The following CASP10 variants were observed in gnomAD, a reference collection of about 807,000 sequenced individuals.
The protein encoded by CASP10 is caspase 10.
A neutral mutation model predicts 48.5 loss-of-function variants in CASP10; 41 were observed. The ratio of observed to expected loss-of-function variants is 0.85; its 90% CI spans 0.66 to 1.10. The LOEUF is 1.10. Among genes scored for constraint, CASP10 ranks in the 50% least tolerant of loss-of-function variants. The pLI is 0.00. For synonymous variants in CASP10, 232 were observed against 238.4 expected (o/e 0.97, Z 0.25); for missense variants, 614 against 614.5 (o/e 1.00, Z 0.01).
At chr2:201,191,207 C>A (rs1203702316) in intron 3 of CASP10, among the ~76,000 whole-genome samples, 1 of 152,050 alleles carries the variant, frequency 6.6e-6, no homozygotes, top group African/African-American at 2.4e-5. Context: ...TTCCCCCCTA[C>A]TAAAATAGCT....
At chr2:201,187,316 C>T (rs978089733) in intron 2 of CASP10, among the ~76,000 whole-genome samples, 1 of 152,080 alleles carries the variant, frequency 6.6e-6, no homozygotes, top group East Asian at 1.9e-4. Context: ...AATATACAAC[C>T]GACTGTACCT....
At chr2:201,203,613 C>T in intron 5 of CASP10, 117 bp from the exon 6 acceptor site, 2 of 960,678 alleles carry the variant, frequency 2.1e-6, no homozygotes, top group East Asian at 2.4e-5. Flanking sequence ...GGCCCAATGA[C>T]CTTTTCTGTG....
At chr2:201,222,248 GCT>G (rs1945735024), downstream of CASP10, among the ~76,000 whole-genome samples, 1 of 131,024 alleles carries the variant, frequency 7.6e-6, no homozygotes, top group Non-Finnish European at 1.6e-5. Context: ...ACAAAGTCTC[GCT>G]CTCTCACCCA....
chr2:201,192,839 C>A, intron 3 of CASP10, 145 bp from the exon 4 acceptor site: 1 of 767,050 alleles, frequency 1.3e-6, no homozygotes, highest in Non-Finnish European at 2.2e-6. Context: ...GCCTCTTCCC[C>A]TACATTCCTG....
chr2:201,203,393 G>A (rs537511785), intron 5 of CASP10, among the ~76,000 whole-genome samples: 57 of 150,300 alleles, frequency 3.8e-4, no homozygotes, highest in African/African-American at 1.2e-3. Flanking sequence ...TGCAACCTCT[G>A]CCTCCCAGGT....
intron 2 of CASP10, among the ~76,000 whole-genome samples, chr2:201,187,017 A>C (rs1054904812): frequency 6.6e-6 from 1 of 152,210 alleles, no homozygotes; most frequent in Non-Finnish European, 1.5e-5. Flanking sequence ...GTTCACTGAC[A>C]TAGTGTCCAC....
intron 7 of CASP10, among the ~76,000 whole-genome samples, chr2:201,207,686 G>A (rs916000258): frequency 6.6e-6 from 1 of 152,058 alleles, no homozygotes; most frequent in African/African-American, 2.4e-5. Flanking sequence ...GAACCCAGGA[G>A]GTGGAGGTTG....
chr2:201,198,641 C>T (rs1191641919), intron 5 of CASP10, among the ~76,000 whole-genome samples: 1 of 147,814 alleles, frequency 6.8e-6, no homozygotes, highest in Non-Finnish European at 1.5e-5. Context: ...CCCGTGTTCA[C>T]ACCATTCTCC....
At position 201,192,394 on chromosome 2, in the gene CASP10, AAATAATAATAAT is replaced by A. The variant is rs35491925; in HGVS notation, c.442-570_442-559del. Among the ~76,000 whole-genome samples, 5 of 148,986 alleles carry A rather than the reference AAATAATAATAAT, an allele frequency of 3.4e-5. 1 individual carries two copies. Among genetic ancestry groups the A allele is most frequent in the African/African-American group, 7.4e-5 (3 of 40,808 alleles). ...AGACAGAGTGAGAGACTCCATCTCAAAATAATAATAATAATAATAATAATAATAATAGCTGAA... is the reference window on the plus strand; with the variant it reads ...AGACAGAGTGAGAGACTCCATCTCAAAATAATAATAATAATAATAGCTGAA... On this transcript the variant is annotated intron_variant, in intron 3 of 9. Coordinates refer to ENST00000286186, the MANE Select transcript of CASP10 (RefSeq NM_032977.4).
At chr2:201,200,592 C>T (rs1944982804) in intron 5 of CASP10, 3 of 1,558,596 alleles carry the variant, frequency 1.9e-6, no homozygotes, top group Non-Finnish European at 8.6e-7. Flanking sequence ...GAGGCCTGCT[C>T]TTCGGCTCTG....
At chr2:201,199,165 G>A (rs866139104) in intron 5 of CASP10, among the ~76,000 whole-genome samples, 20 of 152,068 alleles carry the variant, frequency 1.3e-4, no homozygotes, top group African/African-American at 3.6e-4. Flanking sequence ...AAATATTTTC[G>A]TGTGTATTTC....
At chr2:201,184,819 C>A (rs1196411167) in intron 1 of CASP10, among the ~76,000 whole-genome samples, 1 of 151,932 alleles carries the variant, frequency 6.6e-6, no homozygotes, top group Non-Finnish European at 1.5e-5. Flanking sequence ...AACATTGACT[C>A]ATGTAATTTG....
chr2:201,228,712 T>C (rs1051749902), intron 9 of CASP10, among the ~76,000 whole-genome samples: 1 of 152,154 alleles, frequency 6.6e-6, no homozygotes, highest in Non-Finnish European at 1.5e-5. Context: ...TTATCAACAG[T>C]TTTAGGCCTG....
At position 201,217,958 on chromosome 2, in the gene CASP10, G is replaced by C; in HGVS notation, c.*217G>C. ...GGAGATAGTCTCATTCTGTCACCCA[G>C]ACTGGAGTGCAGGGGGGCAATCACG... On this transcript the variant is annotated 3_prime_UTR_variant, in exon 10 of 10. Transcript: ENST00000286186. The C allele has an allele frequency of 7.9e-7, 1 of 1,271,198 alleles. No individual in the cohort carries two copies. The allele number at this position is 1,271,198 out of a possible 1,614,324, so 78.7% of individuals were successfully genotyped here.
downstream of CASP10, among the ~76,000 whole-genome samples, chr2:201,224,991 T>TC (rs1378089297): frequency 6.6e-6 from 1 of 152,130 alleles, no homozygotes; most frequent in African/African-American, 2.4e-5. Context: ...ATCCTCCATG[T>TC]CCCCCCAATC....
At position 201,217,766 on chromosome 2, in the gene CASP10, A is replaced by T. The variant is rs745815199; in HGVS notation, c.*25A>T. 2 of 1,613,626 alleles carry T rather than the reference A, an allele frequency of 1.2e-6. No individual in the cohort carries two copies. Among genetic ancestry groups the T allele is most frequent in the South Asian group, 2.2e-5 (2 of 91,076 alleles). The stretch of plus-strand genomic sequence containing the variant: ...GCAGAGAGTTTTTGTTGGTTCTTAG[A>T]CCTCAAACGAATCATTGGCTATAAC... On this transcript the variant is annotated 3_prime_UTR_variant, in exon 10 of 10. Coordinates refer to ENST00000286186, the MANE Select transcript of CASP10 (RefSeq NM_032977.4).
rs558017414 is a variant in CASP10 at position 201,187,763 on chromosome 2, C to T, written c.405C>T (p.Ile135=). ...GIDSENLKDM[I]FLLKDSLPKT... is the part of the protein sequence containing the mutation. ...ACTCAGAGAACTTAAAGGACATGAT[C>T]TTCCTTCTGAAAGACTCGCTTCCCA... is the stretch of plus-strand genomic sequence containing the variant. Residue 135 remains isoleucine, a synonymous_variant, in exon 3 of 10, where the codon ATC becomes ATT. Coordinates refer to ENST00000286186, the MANE Select transcript of CASP10 (RefSeq NM_032977.4). 1.9e-6 allele frequency: 3 copies of T among 1,613,984 alleles called. No homozygotes were observed. Among genetic ancestry groups the T allele is most frequent in the Admixed American group, 3.3e-5 (2 of 59,978 alleles).
intron 3 of CASP10, 38 bp from the exon 4 acceptor site, chr2:201,192,946 A>G (rs368463080): frequency 1.4e-5 from 23 of 1,607,686 alleles, no homozygotes; most frequent in South Asian, 2.2e-5. Flanking sequence ...TGGATAATCA[A>G]TAGGCAAGTA....
In CASP10 at chr2:201,219,579, G is replaced by A. The variant is rs1042978095; in HGVS notation, c.*1838G>A. 12 of 985,526 alleles carry A rather than the reference G, an allele frequency of 1.2e-5. No individual in the cohort carries two copies. In the South Asian group the frequency reaches 5.2e-4, roughly 42 times the overall value. 61.0% of individuals were successfully genotyped at this position (985,526 alleles called of 1,614,324 possible). A position where few individuals can be genotyped will look rare whatever the true frequency, so the allele number is the denominator to read the frequency against. ...GAGAGAGGCTGTGTCAGAAACTGAA[G>A]CTGTTCTCAGGATCACTGGGCTCTT... On this transcript the variant is annotated 3_prime_UTR_variant, in exon 10 of 10. Transcript: ENST00000286186.
Sources: gnomAD v4.1 joint callset for allele counts (sites outside exome capture counted in the v4.1 genomes callset) on GRCh38, gnomAD v4.1.1 for gene constraint, MANE v1.5 for transcripts, NCBI Gene and HGNC (gene_info 2026-07-23, HGNC 2026-07-21) for gene names.